The following GNAQ variants were observed in gnomAD, a reference collection of about 807,000 sequenced individuals.
GNAQ encodes the protein guanine nucleotide-binding protein G(q) subunit alpha.
A neutral mutation model predicts 43.9 loss-of-function variants in GNAQ; 8 were observed. The ratio of observed to expected loss-of-function variants is 0.18; its 90% confidence interval spans 0.11 to 0.33. The LOEUF is 0.33. Among genes scored for constraint, GNAQ ranks in the 10% least tolerant of loss-of-function variants. The pLI, the probability that GNAQ is intolerant of heterozygous loss-of-function variation, is 1.00. For missense variants in GNAQ, 158 were observed against 450.8 expected (o/e 0.35, Z 5.88); for synonymous variants, 155 against 170.7 (o/e 0.91, Z 0.71).
rs112916554 is a variant in GNAQ at position 77,921,418 on chromosome 9, T to A, written c.321+743A>T. The stretch of plus-strand genomic sequence containing the variant: ...CAGGTATACCAATCTTGTTTGGTAT[T>A]ACATCTCTTTAATATTTAGAGGATG... On this transcript the variant is annotated intron_variant, in intron 2 of 6. Coordinates refer to ENST00000286548, the MANE Select transcript of GNAQ (RefSeq NM_002072.5). Among the ~76,000 whole-genome samples, 1,463 of 152,338 alleles carry A rather than the reference T, an allele frequency of 9.6e-3. 31 individuals carry two copies. Among genetic ancestry groups the A allele is most frequent in the African/African-American group, 0.034 (1,401 of 41,572 alleles).
At chr9:77,779,265 A>G (rs1424276185) in intron 5 of GNAQ, among the ~76,000 whole-genome samples, 2 of 151,976 alleles carry the variant, frequency 1.3e-5, no homozygotes, top group African/African-American at 4.8e-5. Context: ...TAACCAAAAG[A>G]TAACTGGGAA....
At chr9:77,956,784 C>T (rs894390838) in intron 1 of GNAQ, among the ~76,000 whole-genome samples, 2 of 152,196 alleles carry the variant, frequency 1.3e-5, no homozygotes, top group Non-Finnish European at 2.9e-5. Context: ...TGAATGAGAG[C>T]CCTTCCTGTG....
intron 5 of GNAQ, among the ~76,000 whole-genome samples, chr9:77,737,336 A>G (rs753704691): frequency 2.0e-5 from 3 of 152,178 alleles, no homozygotes; most frequent in Non-Finnish European, 4.4e-5. Flanking sequence ...TGTCACTGTC[A>G]TTGTAAGTGA....
intron 2 of GNAQ, among the ~76,000 whole-genome samples, chr9:77,825,843 CT>C (rs1333920566): frequency 6.6e-6 from 1 of 152,126 alleles, no homozygotes; most frequent in Admixed American, 6.5e-5. Flanking sequence ...CTCAGGCAAA[CT>C]AGGACTTATG....
intron 5 of GNAQ, among the ~76,000 whole-genome samples, chr9:77,778,117 A>C (rs937145230): frequency 2.0e-5 from 3 of 151,942 alleles, no homozygotes; most frequent in Admixed American, 2.0e-4. Context: ...GTAAATAAAA[A>C]CTTTTATTTT....
chr9:77,824,028 A>G (rs1051225867), intron 2 of GNAQ, among the ~76,000 whole-genome samples: 1 of 152,256 alleles, frequency 6.6e-6, no homozygotes, highest in Non-Finnish European at 1.5e-5. Context: ...GTAAAAAATG[A>G]GCAGAAATAC....
chr9:77,861,015 T>TG (rs1336278016), intron 2 of GNAQ, among the ~76,000 whole-genome samples: 1 of 152,234 alleles, frequency 6.6e-6, no homozygotes, highest in Admixed American at 6.5e-5. Context: ...TTCATGCTGC[T>TG]GATGAAGACA....
At chr9:77,782,151 C>G (rs1456380563) in intron 5 of GNAQ, among the ~76,000 whole-genome samples, 1 of 151,760 alleles carries the variant, frequency 6.6e-6, no homozygotes, top group African/African-American at 2.4e-5. Flanking sequence ...GCACAATGTG[C>G]ACATGTACCC....
chr9:77,987,227 A>G (rs1482134374), intron 1 of GNAQ, among the ~76,000 whole-genome samples: 1 of 152,164 alleles, frequency 6.6e-6, no homozygotes, highest in African/African-American at 2.4e-5. Context: ...CATGCAGACT[A>G]TAAAAGTGTC....
intron 5 of GNAQ, among the ~76,000 whole-genome samples, chr9:77,783,317 T>C (rs577417558): frequency 1.2e-3 from 184 of 152,318 alleles, no homozygotes; most frequent in African/African-American, 4.2e-3. Flanking sequence ...ACAAAGTATG[T>C]GTGTGTATAA....
At chr9:78,028,068 TAATC>T (rs1824004208) in intron 1 of GNAQ, among the ~76,000 whole-genome samples, 1 of 152,148 alleles carries the variant, frequency 6.6e-6, no homozygotes, top group African/African-American at 2.4e-5. Flanking sequence ...TCATGAAAAT[TAATC>T]AATTAAAGAA....
At chr9:78,025,255 C>G (rs988053575) in intron 1 of GNAQ, among the ~76,000 whole-genome samples, 2 of 151,946 alleles carry the variant, frequency 1.3e-5, no homozygotes, top group African/African-American at 4.8e-5. Context: ...TTTTACATAT[C>G]GGTAATGTAA....
At chr9:77,886,288 T>C (rs1003523870) in intron 2 of GNAQ, among the ~76,000 whole-genome samples, 4 of 152,128 alleles carry the variant, frequency 2.6e-5, no homozygotes, top group Non-Finnish European at 4.4e-5. Context: ...CATTTTTTAA[T>C]TTGTAAAATT....
At chr9:77,835,607 A>G (rs1827371578) in intron 2 of GNAQ, among the ~76,000 whole-genome samples, 1 of 152,234 alleles carries the variant, frequency 6.6e-6, no homozygotes, top group South Asian at 2.1e-4. Flanking sequence ...ACTGTGCACC[A>G]GGCAGGCACC....
At chr9:77,781,406 T>C (rs1251438900) in intron 5 of GNAQ, among the ~76,000 whole-genome samples, 2 of 152,084 alleles carry the variant, frequency 1.3e-5, no homozygotes, top group African/African-American at 2.4e-5. Flanking sequence ...GCTATAGATA[T>C]AGGGGTTACT....
intron 1 of GNAQ, among the ~76,000 whole-genome samples, chr9:77,941,217 C>T (rs577902171): frequency 1.3e-5 from 2 of 151,544 alleles, no homozygotes; most frequent in Non-Finnish European, 2.9e-5. Flanking sequence ...CAAACAGCCA[C>T]AAAGCTTTCT....
chr9:77,849,641 G>C (rs1252619658), intron 2 of GNAQ, among the ~76,000 whole-genome samples: 1 of 152,136 alleles, frequency 6.6e-6, no homozygotes, highest in African/African-American at 2.4e-5. Flanking sequence ...CAAAGCAAGA[G>C]CTGGCAGGAG....
chr9:77,835,912 T>C (rs914002339), intron 2 of GNAQ, among the ~76,000 whole-genome samples: 5 of 152,190 alleles, frequency 3.3e-5, no homozygotes, highest in Admixed American at 1.3e-4. Context: ...AAGCTGAAGA[T>C]AGCAATTCTA....
At chr9:77,768,422 A>T (rs1262624673) in intron 5 of GNAQ, among the ~76,000 whole-genome samples, 4 of 152,174 alleles carry the variant, frequency 2.6e-5, no homozygotes, top group Non-Finnish European at 5.9e-5. Flanking sequence ...CTGCCATGTG[A>T]TATTCAACTC....
Sources: allele counts gnomAD v4.1 joint callset (sites outside exome capture counted in the v4.1 genomes callset), GRCh38; gene constraint gnomAD v4.1.1; transcripts MANE v1.5; gene names NCBI Gene and HGNC (gene_info 2026-07-23, HGNC 2026-07-21).